Variants in DYNC2LI1 observed in about 807,000 individuals in gnomAD.
DYNC2LI1 encodes cytoplasmic dynein 2 light intermediate chain 1.
A neutral mutation model predicts 51.9 loss-of-function variants in DYNC2LI1; 45 were observed. The ratio of observed to expected loss-of-function variants is 0.87; its 90% CI spans 0.68 to 1.11. The LOEUF (loss-of-function observed/expected upper bound fraction) is 1.11. Among genes scored for constraint, DYNC2LI1 ranks in the 50% most tolerant of loss-of-function variants. The pLI, the probability that DYNC2LI1 is intolerant of heterozygous loss-of-function variation, is 0.00. For missense variants in DYNC2LI1, 490 were observed against 417.4 expected (o/e 1.17, Z -1.51); for synonymous variants, 130 against 137.8 (o/e 0.94, Z 0.40).
chr2:43,821,960 C>G, the DYNC2LI1 span, among the ~76,000 whole-genome samples: 4 of 152,252 alleles, frequency 2.6e-5, no homozygotes, highest in African/African-American at 9.6e-5. Flanking sequence ...ATTCCCCTAT[C>G]CCTACCTTGG....
At chr2:43,786,552 G>A (rs1673529166) in intron 3 of DYNC2LI1, among the ~76,000 whole-genome samples, 1 of 152,040 alleles carries the variant, frequency 6.6e-6, no homozygotes, top group Non-Finnish European at 1.5e-5. Flanking sequence ...TAAACCCAGT[G>A]TCACTTTGGG....
At chr2:43,824,578 ATACTT>A in the DYNC2LI1 span, 4 of 1,548,922 alleles carry the variant, frequency 2.6e-6, no homozygotes, top group Non-Finnish European at 2.6e-6. Flanking sequence ...TAAAATCAGA[ATACTT>A]TAAAGCATCC....
At position 43,806,716 on chromosome 2, in the gene DYNC2LI1, T is replaced by G. The variant is rs148908578; in HGVS notation, c.993+1470T>G. Among the ~76,000 whole-genome samples, 11 of 152,340 alleles carry G rather than the reference T, an allele frequency of 7.2e-5. No homozygotes were observed. In the East Asian group the frequency reaches 2.1e-3, roughly 29 times the overall value. On this transcript the variant is annotated intron_variant, in intron 12 of 12. Transcript: ENST00000260605. ...ATATACATCAGTATTATTAAAGGAT[T>G]AGGGTATTTGTGAGCATCATGAGTT...
At chr2:43,794,675 C>G in intron 6 of DYNC2LI1, 32 bp downstream of exon 6, 1 of 1,613,916 alleles carries the variant, frequency 6.2e-7, no homozygotes, top group South Asian at 1.1e-5. Context: ...TTACTGGAAT[C>G]CTTAGTCCCA....
chr2:43,777,383 C>T (rs544215547), intron 2 of DYNC2LI1, among the ~76,000 whole-genome samples: 5 of 152,284 alleles, frequency 3.3e-5, no homozygotes, highest in African/African-American at 1.2e-4. Flanking sequence ...CCCCTCCCCA[C>T]TTGTTGTAAG....
At chr2:43,775,374 A>C (rs1200093678) in intron 1 of DYNC2LI1, among the ~76,000 whole-genome samples, 1 of 152,162 alleles carries the variant, frequency 6.6e-6, no homozygotes, top group Admixed American at 6.5e-5. Context: ...ATTTTCACTT[A>C]GGCTTTAATT....
chr2:43,822,808 A>C, the DYNC2LI1 span: 38 of 1,613,982 alleles, frequency 2.4e-5, no homozygotes, highest in Non-Finnish European at 3.0e-5. Flanking sequence ...AGTAGCACAC[A>C]CTGCTGAAAA....
At chr2:43,799,519 G>A (rs1558691274) in intron 8 of DYNC2LI1, among the ~76,000 whole-genome samples, 1 of 152,140 alleles carries the variant, frequency 6.6e-6, no homozygotes, top group Non-Finnish European at 1.5e-5. Flanking sequence ...CTAAGGTCCA[G>A]AAAAAGGAAT....
At chr2:43,824,728 TG>T in the DYNC2LI1 span, 1 of 927,178 alleles carries the variant, frequency 1.1e-6, no homozygotes, top group Non-Finnish European at 1.3e-6. Flanking sequence ...TAGTCATCTC[TG>T]GCAAGTTCAT....
intron 12 of DYNC2LI1, among the ~76,000 whole-genome samples, chr2:43,808,704 T>A (rs1379476528): frequency 6.6e-6 from 1 of 152,146 alleles, no homozygotes; most frequent in Admixed American, 6.5e-5. Flanking sequence ...AATGGAAGTA[T>A]CCTGCCCTCT....
At chr2:43,777,828 C>T (rs979562435) in intron 2 of DYNC2LI1, among the ~76,000 whole-genome samples, 6 of 152,110 alleles carry the variant, frequency 3.9e-5, no homozygotes, top group Non-Finnish European at 7.3e-5. Flanking sequence ...ATTAAGATTA[C>T]ATATATTGGG....
In DYNC2LI1 at chr2:43,798,747, G is replaced by T. The variant is rs1380496366; in HGVS notation, c.654+1952G>T. ...AATAAGCCTAAAGGAACAGGGTTTG[G>T]GTTAGTGGAGTACTTCTGGACCACC... On this transcript the variant is annotated intron_variant, in intron 8 of 12. Transcript: ENST00000260605. Among the ~76,000 whole-genome samples the T allele has an allele frequency of 2.0e-5, 3 of 152,154 alleles. No individual in the cohort carries two copies. The East Asian group carries it at 5.8e-4, about 29-fold the overall frequency.
downstream of DYNC2LI1, among the ~76,000 whole-genome samples, chr2:43,813,709 G>GTTTTTT (rs1214033245): frequency 1.1e-3 from 39 of 34,058 alleles, no homozygotes; most frequent in African/African-American, 1.9e-3. Context: ...TTTTTTTTTC[G>GTTTTTT]TTTTTTTTTT....
At chr2:43,810,245 G>A (rs1325477810), downstream of DYNC2LI1, 1 of 571,562 alleles carries the variant, frequency 1.7e-6, no homozygotes, top group African/African-American at 2.1e-5. Flanking sequence ...CCTGAAATAG[G>A]AGATGCACAT....
At chr2:43,827,846 C>T in the DYNC2LI1 span, 4 of 1,388,566 alleles carry the variant, frequency 2.9e-6, no homozygotes, top group Admixed American at 8.2e-5. Flanking sequence ...ACTGGGTCCT[C>T]AGTTTGAAAA....
intron 3 of DYNC2LI1, among the ~76,000 whole-genome samples, chr2:43,785,067 G>A (rs28473566): frequency 0.17 from 26,252 of 152,030 alleles, 2,413 homozygotes; most frequent in Middle Eastern, 0.24. Flanking sequence ...GGAGGGCAAG[G>A]CAGGCGGATC....
At chr2:43,800,975 C>G (rs1182406597) in intron 9 of DYNC2LI1, 58 bp downstream of exon 9, 4 of 1,188,248 alleles carry the variant, frequency 3.4e-6, no homozygotes, top group Non-Finnish European at 4.8e-6. Context: ...CCAATGTTGT[C>G]TCATCTGATT....
the DYNC2LI1 span, chr2:43,823,945 G>C: frequency 6.2e-7 from 1 of 1,614,196 alleles, no homozygotes; most frequent in Non-Finnish European, 8.5e-7. Flanking sequence ...GCCTGTGTAC[G>C]GGGTGGCGCC....
chr2:43,818,138 T>C, the DYNC2LI1 span, among the ~76,000 whole-genome samples: 1 of 152,160 alleles, frequency 6.6e-6, no homozygotes, highest in South Asian at 2.1e-4. Context: ...AAAAACAGGA[T>C]GATTGTATGG....
Sources: allele counts gnomAD v4.1 joint callset (sites outside exome capture counted in the v4.1 genomes callset), GRCh38; gene constraint gnomAD v4.1.1; transcripts MANE v1.5; gene names NCBI Gene and HGNC (gene_info 2026-07-23, HGNC 2026-07-21).